UMAD1: variants seen among roughly 807,000 people sequenced by gnomAD.
UMAD1 encodes the protein UBAP1-MVB12-associated (UMA) domain containing 1.
A neutral mutation model predicts 6.1 loss-of-function variants in UMAD1; 8 were observed. The ratio of observed to expected loss-of-function variants is 1.30; its 90% CI spans 0.76 to 2.35. The LOEUF is 2.35. Ranked by LOEUF, UMAD1 falls within the 30% of genes most tolerant of loss-of-function variation. UMAD1 has a pLI of 0.00. For synonymous variants in UMAD1, 56 were observed against 31.4 expected (o/e 1.78, Z -2.61); for missense variants, 130 against 78.4 (o/e 1.66, Z -2.49).
At chr7:7,730,196 T>C (rs1781219986) in intron 2 of UMAD1, among the ~76,000 whole-genome samples, 1 of 152,232 alleles carries the variant, frequency 6.6e-6, no homozygotes, top group African/African-American at 2.4e-5. Flanking sequence ...CTCATCACTT[T>C]TGTCTTAACT....
chr7:7,650,232 T>G (rs1355393156), intron 1 of UMAD1, among the ~76,000 whole-genome samples: 1 of 152,244 alleles, frequency 6.6e-6, no homozygotes, highest in African/African-American at 2.4e-5. Flanking sequence ...CTAGACATTA[T>G]TATTGCTTTA....
chr7:7,746,888 A>T (rs554644528), intron 2 of UMAD1, among the ~76,000 whole-genome samples: 1 of 152,122 alleles, frequency 6.6e-6, no homozygotes, highest in Non-Finnish European at 1.5e-5. Flanking sequence ...ATCTTCTGGT[A>T]TTAAGGCCCT....
chr7:7,694,535 A>G (rs1383975961), intron 2 of UMAD1, among the ~76,000 whole-genome samples: 1 of 127,038 alleles, frequency 7.9e-6, no homozygotes, highest in South Asian at 2.4e-4. Context: ...CCCCACCCCC[A>G]CCACTGTCCT....
chr7:7,679,713 T>A (rs1232648530), intron 2 of UMAD1, among the ~76,000 whole-genome samples: 2 of 115,834 alleles, frequency 1.7e-5, no homozygotes, highest in Non-Finnish European at 3.1e-5. Context: ...TATAGATAAA[T>A]ATATATATAT....
intron 2 of UMAD1, among the ~76,000 whole-genome samples, chr7:7,689,731 C>G (rs894462305): frequency 3.3e-5 from 5 of 152,086 alleles, no homozygotes; most frequent in African/African-American, 1.2e-4. Flanking sequence ...TGGAAATAGT[C>G]TGGAGTTCAA....
chr7:7,823,400 C>T (rs1291235919), intron 3 of UMAD1, among the ~76,000 whole-genome samples: 1 of 151,666 alleles, frequency 6.6e-6, no homozygotes, highest in Non-Finnish European at 1.5e-5. Context: ...ATACTTAGAC[C>T]AAAAAAAGTT....
intron 2 of UMAD1, among the ~76,000 whole-genome samples, chr7:7,778,032 T>C (rs1248477530): frequency 6.6e-6 from 1 of 152,224 alleles, no homozygotes; most frequent in Non-Finnish European, 1.5e-5. Flanking sequence ...CAGAAAAATA[T>C]CTTCTTATTC....
At chr7:7,796,249 T>C (rs1165821051) in intron 2 of UMAD1, among the ~76,000 whole-genome samples, 2 of 95,538 alleles carry the variant, frequency 2.1e-5, no homozygotes, top group Non-Finnish European at 4.2e-5. Flanking sequence ...TCTTTCTTTT[T>C]TTTTTTTTTT....
At position 7,757,079 on chromosome 7, in the gene UMAD1, T is replaced by A. The variant is rs1417197006; in HGVS notation, c.83-44591T>A. 2.6e-5 allele frequency among the ~76,000 whole-genome samples: 4 copies of A among 152,350 alleles called. No homozygotes were observed. In the East Asian group the frequency reaches 5.8e-4, roughly 22 times the overall value. On this transcript the variant is annotated intron_variant, in intron 2 of 3. Coordinates refer to ENST00000682710, the MANE Select transcript of UMAD1 (RefSeq NM_001302348.2). ...TTGAGACATGAGTTACTACTTTTAT[T>A]AACAGATGAATGATGTAAATGTGTT...
In UMAD1 at chr7:7,698,262, A is replaced by G. The variant is rs559494267; in HGVS notation, c.82+24809A>G. Among the ~76,000 whole-genome samples, 6 of 152,308 alleles carry G rather than the reference A, an allele frequency of 3.9e-5. No homozygotes were observed. The East Asian group carries it at 1.2e-3, about 29-fold the overall frequency. ...GACAGGGCAGATTTATTTCTGTGAG[A>G]AGATTGCAAAATATAACAGTTCCCA... On this transcript the variant is annotated intron_variant, in intron 2 of 3. Coordinates refer to ENST00000682710, the MANE Select transcript of UMAD1 (RefSeq NM_001302348.2).
chr7:7,782,465 T>G (rs1395376638), intron 2 of UMAD1, among the ~76,000 whole-genome samples: 1 of 152,142 alleles, frequency 6.6e-6, no homozygotes, highest in Non-Finnish European at 1.5e-5. Flanking sequence ...TGTGTCTAAG[T>G]CGTGTGTCTA....
rs543968237 is a variant in UMAD1 at position 7,850,527 on chromosome 7, A to G, written c.157-26754A>G. Among the ~76,000 whole-genome samples, 4 of 152,258 alleles carry G rather than the reference A, an allele frequency of 2.6e-5. No homozygotes were observed. In the South Asian group the frequency reaches 8.3e-4, roughly 32 times the overall value. On this transcript the variant is annotated intron_variant, in intron 3 of 3. Coordinates refer to ENST00000682710, the MANE Select transcript of UMAD1 (RefSeq NM_001302348.2). ...ATATCATATTTCTTGGCAACAAAGA[A>G]AACTGATATAAGTTAATTTAAAATA...
At chr7:7,705,526 A>G (rs1474206741) in intron 2 of UMAD1, among the ~76,000 whole-genome samples, 2 of 152,244 alleles carry the variant, frequency 1.3e-5, no homozygotes, top group African/African-American at 2.4e-5. Flanking sequence ...TACATATTGT[A>G]TGTAATCATC....
chr7:7,729,828 G>A (rs893284882), intron 2 of UMAD1, among the ~76,000 whole-genome samples: 2 of 152,112 alleles, frequency 1.3e-5, no homozygotes, highest in African/African-American at 4.8e-5. Flanking sequence ...CTTGAAAAAC[G>A]TAAATTTTAA....
At chr7:7,750,717 C>A (rs2115218794) in intron 2 of UMAD1, among the ~76,000 whole-genome samples, 1 of 152,246 alleles carries the variant, frequency 6.6e-6, no homozygotes, top group Admixed American at 6.5e-5. Flanking sequence ...AAATGAGGCA[C>A]AGAGAGGTTA....
intron 1 of UMAD1, among the ~76,000 whole-genome samples, chr7:7,643,735 G>GAAAAAA (rs869238725): frequency 0.029 from 164 of 5,752 alleles, no homozygotes; most frequent in African/African-American, 0.1. Context: ...ACAAACAAAC[G>GAAAAAA]AAAAAAAAAG....
At chr7:7,755,068 A>C (rs998438946) in intron 2 of UMAD1, among the ~76,000 whole-genome samples, 1 of 152,170 alleles carries the variant, frequency 6.6e-6, no homozygotes, top group Non-Finnish European at 1.5e-5. Flanking sequence ...GGTGGCTTCA[A>C]ATCTATCTCA....
chr7:7,716,622 C>G (rs191356786), intron 2 of UMAD1, among the ~76,000 whole-genome samples: 149 of 152,338 alleles, frequency 9.8e-4, no homozygotes, highest in Non-Finnish European at 1.7e-3. Context: ...GGCCAGGTAG[C>G]AAACCCATCT....
intron 3 of UMAD1, among the ~76,000 whole-genome samples, chr7:7,834,215 G>A (rs1198891861): frequency 6.6e-6 from 1 of 151,410 alleles, no homozygotes; most frequent in Non-Finnish European, 1.5e-5. Flanking sequence ...TAGAGGCGGG[G>A]TTTCACCATG....
Sources: gnomAD v4.1 joint callset for allele counts (sites outside exome capture counted in the v4.1 genomes callset) on GRCh38, gnomAD v4.1.1 for gene constraint, MANE v1.5 for transcripts, NCBI Gene and HGNC (gene_info 2026-07-23, HGNC 2026-07-21) for gene names.